Variants in SRGAP3 observed in about 807,000 individuals in gnomAD.
SRGAP3 encodes SLIT-ROBO Rho GTPase activating protein 3, also known as SLIT-ROBO Rho GTPase-activating protein 3.
A neutral mutation model predicts 121.1 loss-of-function variants in SRGAP3; 39 were observed. The ratio of observed to expected loss-of-function variants is 0.32; its 90% confidence interval spans 0.25 to 0.42. The LOEUF (loss-of-function observed/expected upper bound fraction) is 0.42. SRGAP3 is among the 10% of genes least tolerant of loss of function. The probability of loss-of-function intolerance (pLI) is 1.00; values close to 1 mark genes in which losing one functional copy is unlikely to be tolerated. For missense variants in SRGAP3, 1,213 were observed against 1,470.6 expected (o/e 0.82, Z 2.86); for synonymous variants, 601 against 570.0 (o/e 1.05, Z -0.77).
intron 2 of SRGAP3, among the ~76,000 whole-genome samples, chr3:9,329,759 C>T (rs889335420): frequency 1.3e-5 from 2 of 152,194 alleles, no homozygotes; most frequent in African/African-American, 4.8e-5. Context: ...GTCCCATCAG[C>T]TCTCAAGTTT....
At chr3:9,260,013 G>C (rs1453039771) in intron 3 of SRGAP3, among the ~76,000 whole-genome samples, 1 of 151,948 alleles carries the variant, frequency 6.6e-6, no homozygotes, top group African/African-American at 2.4e-5. Context: ...GCAGAAGCAG[G>C]GTGGGGCGTC....
intron 3 of SRGAP3, among the ~76,000 whole-genome samples, chr3:9,094,462 G>A (rs141020365): frequency 4.6e-5 from 7 of 152,256 alleles, no homozygotes; most frequent in Admixed American, 6.5e-5. Context: ...GAGCAGATAC[G>A]CTAGAATATC....
chr3:9,144,955 T>A (rs1257435505), intron 1 of SRGAP3, among the ~76,000 whole-genome samples: 1 of 152,216 alleles, frequency 6.6e-6, no homozygotes, highest in African/African-American at 2.4e-5. Flanking sequence ...TACATGTGCA[T>A]TATAAATGTT....
At chr3:9,261,415 C>T (rs147961980) in intron 3 of SRGAP3, among the ~76,000 whole-genome samples, 5,551 of 152,032 alleles carry the variant, frequency 0.037, 135 homozygotes, top group South Asian at 0.082. Flanking sequence ...GCTAAAGAAG[C>T]ATGTTCTAAC....
intron 14 of SRGAP3, among the ~76,000 whole-genome samples, chr3:9,022,959 A>G (rs1943998714): frequency 6.6e-6 from 1 of 152,244 alleles, no homozygotes; most frequent in Non-Finnish European, 1.5e-5. Flanking sequence ...TAAATTGCAC[A>G]TCACCCCTGC....
At chr3:9,101,876 G>A (rs974423462) in intron 3 of SRGAP3, among the ~76,000 whole-genome samples, 58 of 147,908 alleles carry the variant, frequency 3.9e-4, no homozygotes, top group African/African-American at 1.2e-3. Context: ...CAAGGGCCAC[G>A]TGCAGGGGCT....
At chr3:9,024,044 G>C (rs1461649870) in intron 14 of SRGAP3, among the ~76,000 whole-genome samples, 1 of 152,180 alleles carries the variant, frequency 6.6e-6, no homozygotes, top group East Asian at 1.9e-4. Flanking sequence ...GCTCCTTTGG[G>C]GTGGTAGGGG....
intron 2 of SRGAP3, among the ~76,000 whole-genome samples, chr3:9,330,034 A>G (rs933186894): frequency 2.6e-5 from 4 of 152,318 alleles, no homozygotes; most frequent in African/African-American, 9.6e-5. Flanking sequence ...CATTTCTATA[A>G]GACTTCGCTG....
intron 1 of SRGAP3, among the ~76,000 whole-genome samples, chr3:9,205,417 C>T (rs1185083796): frequency 6.6e-6 from 1 of 152,174 alleles, no homozygotes; most frequent in African/African-American, 2.4e-5. Flanking sequence ...TGCTCAATAG[C>T]CACATGTGGC....
At chr3:9,210,228 G>A (rs1696330952) in intron 1 of SRGAP3, among the ~76,000 whole-genome samples, 1 of 152,206 alleles carries the variant, frequency 6.6e-6, no homozygotes, top group South Asian at 2.1e-4. Context: ...GGACTATGGT[G>A]TTAGCTGCAC....
Position 9,293,750 on chromosome 3 carries a change from G to A in SRGAP3, n.442+32260C>T, listed in dbSNP as rs1359761918. ...TACGAAAAAAAATCTCAGCAGCATT[G>A]ATCATTAGAGAAATGCAAATCAAAA... On this transcript the variant is annotated intron_variant and non_coding_transcript_variant, in intron 3 of 3. Coordinates refer to the SRGAP3 transcript ENST00000490889. 2.6e-5 allele frequency among the ~76,000 whole-genome samples: 4 copies of A among 152,222 alleles called. No individual in the cohort carries two copies. In the South Asian group the frequency reaches 6.2e-4, roughly 24 times the overall value.
chr3:9,211,325 G>A (rs1213500011), intron 1 of SRGAP3, among the ~76,000 whole-genome samples: 3 of 152,020 alleles, frequency 2.0e-5, no homozygotes, highest in African/African-American at 4.8e-5. Context: ...CAGCTCCACC[G>A]CAGCCTGGAA....
intron 1 of SRGAP3, among the ~76,000 whole-genome samples, chr3:9,163,225 C>T (rs777547271): frequency 6.6e-6 from 1 of 152,328 alleles, no homozygotes; most frequent in South Asian, 2.1e-4. Flanking sequence ...CCAGTCTGTC[C>T]GGGCCAAACC....
At chr3:9,351,500 C>T (rs1307390795) in intron 1 of SRGAP3, among the ~76,000 whole-genome samples, 2 of 152,096 alleles carry the variant, frequency 1.3e-5, no homozygotes, top group African/African-American at 2.4e-5. Flanking sequence ...CACAAGCATC[C>T]CTCAATAAGG....
At chr3:9,025,399 C>T in intron 13 of SRGAP3, 61 bp from the exon 14 acceptor site, 1 of 1,541,888 alleles carries the variant, frequency 6.5e-7, no homozygotes, top group Non-Finnish European at 9.0e-7. Context: ...GTTCATTAGA[C>T]TACCGGGAAT....
rs775497282 is a variant in SRGAP3 at position 9,256,254 on chromosome 3, A to C, written n.442+69756T>G. The stretch of plus-strand genomic sequence containing the variant: ...CACATGTCTGCGTGTGTGTCCAAGG[A>C]CTGGACAGCTTCAGTGACAGCAATT... On this transcript the variant is annotated intron_variant and non_coding_transcript_variant, in intron 3 of 3. Transcript: ENST00000490889. Among the ~76,000 whole-genome samples the C allele has an allele frequency of 3.5e-4, 53 of 152,342 alleles. 1 individual carries two copies. The highest frequency in any genetic ancestry group is 7.3e-5 in the Non-Finnish European group (5 of 68,038).
chr3:9,181,491 G>A (rs1434820574), intron 1 of SRGAP3, among the ~76,000 whole-genome samples: 1 of 152,146 alleles, frequency 6.6e-6, no homozygotes, highest in Non-Finnish European at 1.5e-5. Context: ...AAGATTCTCG[G>A]AAAAATCTGC....
At chr3:9,186,912 T>A (rs1199879735) in intron 1 of SRGAP3, among the ~76,000 whole-genome samples, 1 of 152,230 alleles carries the variant, frequency 6.6e-6, no homozygotes, top group Non-Finnish European at 1.5e-5. Flanking sequence ...CAGTGGGCAC[T>A]GAAGTCTCCC....
chr3:9,325,143 G>T (rs1163531173), intron 3 of SRGAP3, among the ~76,000 whole-genome samples: 1 of 151,736 alleles, frequency 6.6e-6, no homozygotes, highest in Non-Finnish European at 1.5e-5. Context: ...CACTTGAAGA[G>T]AGACTACTTG....
Sources: allele counts gnomAD v4.1 joint callset (sites outside exome capture counted in the v4.1 genomes callset), GRCh38; gene constraint gnomAD v4.1.1; transcripts MANE v1.5; gene names NCBI Gene and HGNC (gene_info 2026-07-23, HGNC 2026-07-21).